Variants in STON2 observed in about 807,000 individuals in gnomAD.
The protein encoded by STON2 is stonin-2.
STON2 carries 29 observed loss-of-function variants against 65.7 expected under a neutral mutation model. The observed-to-expected ratio is 0.44, with a 90% CI of 0.33 to 0.60. The LOEUF (loss-of-function observed/expected upper bound fraction) is 0.60, where lower values mean the gene tolerates loss of function less well. Ranked by LOEUF, STON2 falls within the 20% of genes least tolerant of loss-of-function variation. The pLI is 0.03. For synonymous variants in STON2, 404 were observed against 414.2 expected, an observed-to-expected ratio of 0.98 and a Z score of 0.30; for missense variants, 1,054 against 1,118.1, an observed-to-expected ratio of 0.94 and a Z score of 0.82.
chr14:81,278,070 G>A lies in STON2; in HGVS notation c.1412C>T (p.Ala471Val). 9 of 1,614,200 alleles carry A rather than the reference G, an allele frequency of 5.6e-6. No homozygotes were observed. Among genetic ancestry groups the A allele is most frequent in the East Asian group, 4.5e-5 (2 of 44,872 alleles). The change falls in exon 6 of 8, where the codon GCT becomes GTT. Residue 471 changes from alanine to valine, a missense_variant. Ala to Val is a moderately conservative substitution (Grantham distance 64, BLOSUM62 0). Transcript: ENST00000614646. ...DDPVAWIELDAHPPGSARSQP... is the reference protein window; with the variant it reads ...DDPVAWIELDVHPPGSARSQP... ...GGACCGTGCTGATCCAGGCGGGTGA[G>A]CATCTAGTTCAATCCAGGCTACTGG...
chr14:81,288,476 AT>A (rs1895426826), intron 5 of STON2, among the ~76,000 whole-genome samples: 1 of 152,248 alleles, frequency 6.6e-6, no homozygotes, highest in Admixed American at 6.5e-5. Flanking sequence ...ACTGCAGGCA[AT>A]TATAAGCGTT....
intron 2 of STON2, among the ~76,000 whole-genome samples, chr14:81,423,267 C>G (rs1311073461): frequency 6.6e-6 from 1 of 152,050 alleles, no homozygotes; most frequent in Non-Finnish European, 1.5e-5. Context: ...TGGTTCTTAG[C>G]CTTTAAACAA....
chr14:81,322,736 C>G (rs1275551958), intron 5 of STON2, among the ~76,000 whole-genome samples: 1 of 152,218 alleles, frequency 6.6e-6, no homozygotes, highest in African/African-American at 2.4e-5. Context: ...CCCTCACTCA[C>G]AGCCAACTTC....
At chr14:81,372,550 C>CAAAAAAA (rs202208931) in intron 3 of STON2, among the ~76,000 whole-genome samples, 1 of 95,892 alleles carries the variant, frequency 1.0e-5, no homozygotes, top group Non-Finnish European at 2.3e-5. Context: ...AACCCTATCT[C>CAAAAAAA]AAAAAAAAAA....
At chr14:81,434,032 C>T (rs1902315844) in intron 1 of STON2, among the ~76,000 whole-genome samples, 1 of 152,294 alleles carries the variant, frequency 6.6e-6, no homozygotes, top group Middle Eastern at 3.4e-3. Flanking sequence ...TGTTACCCCT[C>T]GGTCAAGCTT....
Position 81,277,216 on chromosome 14 carries a change from C to T in STON2, c.2266G>A (p.Ala756Thr), listed in dbSNP as rs535388753. Residue 756 changes from alanine to threonine, a missense_variant, in exon 6 of 8, where the codon GCA (alanine) becomes ACA (threonine). Physicochemically the swap from Ala to Thr is moderately conservative, Grantham distance 58. Transcript: ENST00000614646. ...TLRTATSVNGAEVEVQSWLRM... is the reference protein window; with the variant it reads ...TLRTATSVNGTEVEVQSWLRM... ...AGCCAGCTCTGCACCTCCACCTCTGCCCCATTGACACTTGTGGCCGTCCTG... is the reference window on the plus strand; with the variant it reads ...AGCCAGCTCTGCACCTCCACCTCTGTCCCATTGACACTTGTGGCCGTCCTG... 1 of 1,614,212 alleles carries T rather than the reference C, an allele frequency of 6.2e-7. No homozygotes were observed. Among genetic ancestry groups the T allele is most frequent in the Non-Finnish European group, 8.5e-7 (1 of 1,180,042 alleles).
At chr14:81,362,242 T>A (rs551694229) in intron 4 of STON2, among the ~76,000 whole-genome samples, 3 of 152,172 alleles carry the variant, frequency 2.0e-5, no homozygotes, top group Non-Finnish European at 2.9e-5. Flanking sequence ...TAAGTGTCCA[T>A]CAGTGGATGA....
intron 4 of STON2, among the ~76,000 whole-genome samples, chr14:81,366,306 C>T (rs990225765): frequency 3.3e-5 from 5 of 152,154 alleles, no homozygotes; most frequent in Non-Finnish European, 4.4e-5. Context: ...AGAACTCTGC[C>T]GCAGATGACA....
At chr14:81,387,216 T>C (rs72703758) in intron 3 of STON2, among the ~76,000 whole-genome samples, 4,143 of 152,202 alleles carry the variant, frequency 0.027, 85 homozygotes, top group African/African-American at 0.051. Flanking sequence ...AGAATATCTA[T>C]GCATCTAGTT....
At chr14:81,428,032 C>T (rs1328524693) in intron 1 of STON2, among the ~76,000 whole-genome samples, 1 of 152,178 alleles carries the variant, frequency 6.6e-6, no homozygotes, top group Admixed American at 6.5e-5. Context: ...TAATGCTACT[C>T]CTTAGATGAG....
At chr14:81,374,392 T>C (rs72703736) in intron 3 of STON2, among the ~76,000 whole-genome samples, 2,128 of 151,886 alleles carry the variant, frequency 0.014, 25 homozygotes, top group South Asian at 0.043. Context: ...GATGTGCACA[T>C]GGCAGAAAAA....
At chr14:81,421,789 T>A (rs1170843157) in intron 2 of STON2, among the ~76,000 whole-genome samples, 1 of 152,194 alleles carries the variant, frequency 6.6e-6, no homozygotes, top group Non-Finnish European at 1.5e-5. Context: ...GATGGGCCCG[T>A]GGGACAACCA....
chr14:81,421,338 G>A (rs139046758), intron 2 of STON2, among the ~76,000 whole-genome samples: 225 of 152,376 alleles, frequency 1.5e-3, no homozygotes, highest in African/African-American at 5.1e-3. Flanking sequence ...TAGGAGTCAG[G>A]TCAGACAGGG....
At chr14:81,359,568 C>CA (rs1022374716) in intron 4 of STON2, among the ~76,000 whole-genome samples, 11 of 151,552 alleles carry the variant, frequency 7.3e-5, no homozygotes, top group African/African-American at 1.5e-4. Context: ...TAGAAAAATA[C>CA]AAAAAAATCA....
At chr14:81,406,196 C>G (rs1272532460) in intron 2 of STON2, among the ~76,000 whole-genome samples, 2 of 152,170 alleles carry the variant, frequency 1.3e-5, no homozygotes. Context: ...AGCTTGAAGA[C>G]AGCCTACTGT....
At chr14:81,400,371 A>G (rs1371105978), upstream of STON2, among the ~76,000 whole-genome samples, 1 of 151,718 alleles carries the variant, frequency 6.6e-6, no homozygotes, top group Admixed American at 6.6e-5. Context: ...AATGTGTGTC[A>G]CTCAATGTGG....
In STON2 at chr14:81,371,676, T is replaced by TCAA. The variant is rs58782661; in HGVS notation, c.374-492_374-491insTTG. 6.5e-4 allele frequency among the ~76,000 whole-genome samples: 63 copies of TCAA among 97,654 alleles called. 2 individuals are homozygous for TCAA. Among genetic ancestry groups the TCAA allele is most frequent in the African/African-American group, 1.2e-3 (26 of 22,284 alleles). The allele number at this position is 97,654 out of a possible 152,430, so 64.1% of individuals were successfully genotyped here. On this transcript the variant is annotated intron_variant, in intron 3 of 7. Transcript: ENST00000614646. ...ACAACAGAATGAATGAGACTGAGTC[T>TCAA]AAAAAAAAAAAAAAAGAAAAGAAAA...
chr14:81,370,844 G>T (rs1898950614), intron 4 of STON2, 144 bp downstream of exon 4: 2 of 715,700 alleles, frequency 2.8e-6, no homozygotes, highest in African/African-American at 1.8e-5. Context: ...GCCACTTTGG[G>T]TTCTAGCTTT....
At chr14:81,375,022 G>A (rs1233435374) in intron 3 of STON2, among the ~76,000 whole-genome samples, 1 of 152,256 alleles carries the variant, frequency 6.6e-6, no homozygotes, top group East Asian at 1.9e-4. Flanking sequence ...TGTTTAGACT[G>A]ACTACCACCT....
Sources: allele counts gnomAD v4.1 joint callset (sites outside exome capture counted in the v4.1 genomes callset), GRCh38; gene constraint gnomAD v4.1.1; transcripts MANE v1.5; gene names NCBI Gene and HGNC (gene_info 2026-07-23, HGNC 2026-07-21).